THSD4: variants seen among roughly 807,000 people sequenced by gnomAD.
THSD4 encodes the protein thrombospondin type-1 domain-containing protein 4.
A neutral mutation model predicts 119.0 loss-of-function variants in THSD4; 69 were observed. That is an observed-to-expected ratio of 0.58 (90% CI 0.48 to 0.71). THSD4 has a LOEUF of 0.71. Among genes scored for constraint, THSD4 ranks in the 30% least tolerant of loss-of-function variants. The pLI, the probability that THSD4 is intolerant of heterozygous loss-of-function variation, is 0.00. For synonymous variants in THSD4, 524 were observed against 540.4 expected (o/e 0.97, Z 0.42); for missense variants, 1,393 against 1,391.1 (o/e 1.00, Z -0.02).
chr15:71,632,720 G>A (rs1021199426), intron 7 of THSD4, among the ~76,000 whole-genome samples: 2 of 152,192 alleles, frequency 1.3e-5, no homozygotes, highest in African/African-American at 4.8e-5. Context: ...AGCAACTGCT[G>A]TAAGTGATTT....
At chr15:71,743,258 C>T (rs73432411) in intron 11 of THSD4, among the ~76,000 whole-genome samples, 1 of 152,086 alleles carries the variant, frequency 6.6e-6, no homozygotes, top group Admixed American at 6.5e-5. Flanking sequence ...CCTATGGGAG[C>T]CTGTATCCTT....
intron 7 of THSD4, among the ~76,000 whole-genome samples, chr15:71,627,748 G>C (rs1163064609): frequency 6.6e-6 from 1 of 152,210 alleles, no homozygotes; most frequent in East Asian, 1.9e-4. Context: ...TTTTGGTTCA[G>C]AGTAAGGAGA....
chr15:71,341,655 A>G, intron 6 of THSD4: 2 of 1,526,746 alleles, frequency 1.3e-6, no homozygotes, highest in Non-Finnish European at 1.8e-6. Context: ...CGAAGATTGG[A>G]ACCTCTTGAT....
intron 6 of THSD4, among the ~76,000 whole-genome samples, chr15:71,279,975 G>A (rs761311477): frequency 6.6e-6 from 1 of 152,166 alleles, no homozygotes; most frequent in Non-Finnish European, 1.5e-5. Context: ...ACTTCCTCTT[G>A]TTGTGAGGTT....
intron 1 of THSD4, among the ~76,000 whole-genome samples, chr15:71,138,545 C>T (rs527708986): frequency 1.3e-5 from 2 of 152,276 alleles, no homozygotes; most frequent in Admixed American, 1.3e-4. Context: ...GTTCTGGGGA[C>T]TTGACTGCCC....
intron 6 of THSD4, among the ~76,000 whole-genome samples, chr15:71,360,204 T>G (rs1026397154): frequency 6.6e-6 from 1 of 152,156 alleles, no homozygotes; most frequent in Non-Finnish European, 1.5e-5. Context: ...TTGTGTTGGC[T>G]TCCTCACAAC....
At chr15:71,439,916 G>A (rs2047067524) in intron 7 of THSD4, among the ~76,000 whole-genome samples, 1 of 152,244 alleles carries the variant, frequency 6.6e-6, no homozygotes. Flanking sequence ...CCTAATGTAG[G>A]TGACGGGTTG....
chr15:71,367,445 C>G (rs1160665643), intron 6 of THSD4, among the ~76,000 whole-genome samples: 1 of 152,196 alleles, frequency 6.6e-6, no homozygotes, highest in Non-Finnish European at 1.5e-5. Context: ...CTCCCCACCC[C>G]ACGACAGGCC....
chr15:71,421,192 G>A (rs1187637101), intron 7 of THSD4, among the ~76,000 whole-genome samples: 1 of 53,208 alleles, frequency 1.9e-5, no homozygotes, highest in African/African-American at 5.2e-5. Context: ...AAAAAAAGGA[G>A]TAGTTTACAC....
intron 7 of THSD4, among the ~76,000 whole-genome samples, chr15:71,645,556 A>G (rs895170148): frequency 6.6e-6 from 1 of 152,166 alleles, no homozygotes; most frequent in Non-Finnish European, 1.5e-5. Context: ...CATCGAAATC[A>G]TACCATGGTT....
At chr15:71,319,029 C>T (rs543804502) in intron 6 of THSD4, among the ~76,000 whole-genome samples, 9 of 152,278 alleles carry the variant, frequency 5.9e-5, no homozygotes, top group African/African-American at 2.2e-4. Context: ...AATGGCAGAA[C>T]TTGATTTAGA....
intron 6 of THSD4, among the ~76,000 whole-genome samples, chr15:71,407,209 T>A (rs1383670878): frequency 6.6e-6 from 1 of 152,230 alleles, no homozygotes; most frequent in Non-Finnish European, 1.5e-5. Flanking sequence ...CTCTAACTAC[T>A]TCTTACAACT....
chr15:71,723,081 T>TTTC (rs386383447), intron 8 of THSD4, among the ~76,000 whole-genome samples: 1 of 151,608 alleles, frequency 6.6e-6, no homozygotes, highest in African/African-American at 2.4e-5. Flanking sequence ...AGTTTTTTTT[T>TTTC]TCTCTATTTA....
At chr15:71,771,271 G>T in intron 17 of THSD4, 63 bp downstream of exon 17, 3 of 1,590,258 alleles carry the variant, frequency 1.9e-6, no homozygotes, top group Non-Finnish European at 2.6e-6. Flanking sequence ...AGATTCTCCG[G>T]TGTGACAATA....
chr15:71,748,897 G>A (rs897254862), intron 14 of THSD4, among the ~76,000 whole-genome samples: 6 of 152,094 alleles, frequency 3.9e-5, no homozygotes, highest in Non-Finnish European at 8.8e-5. Flanking sequence ...GTAAGTGCCT[G>A]GTGTCTCATA....
At chr15:71,173,057 T>G (rs2043397884) in intron 3 of THSD4, among the ~76,000 whole-genome samples, 1 of 151,888 alleles carries the variant, frequency 6.6e-6, no homozygotes. Context: ...ATAAAAGGCT[T>G]CCAAATTGGA....
chr15:71,356,774 G>C (rs2045818287), intron 6 of THSD4, among the ~76,000 whole-genome samples: 1 of 152,068 alleles, frequency 6.6e-6, no homozygotes, highest in South Asian at 2.1e-4. Flanking sequence ...GTCAGATGGG[G>C]GTCTTTCATA....
chr15:71,405,294 G>A (rs2046590457), intron 6 of THSD4, among the ~76,000 whole-genome samples: 2 of 152,158 alleles, frequency 1.3e-5, no homozygotes, highest in Admixed American at 1.3e-4. Flanking sequence ...ATTAATGTAG[G>A]TTTTCATTTC....
chr15:71,723,012 T>C (rs934437271), intron 8 of THSD4, among the ~76,000 whole-genome samples: 9 of 152,094 alleles, frequency 5.9e-5, no homozygotes, highest in African/African-American at 2.2e-4. Flanking sequence ...TATTCCATTG[T>C]GTGGATGGCC....
Sources: gnomAD v4.1 joint callset for allele counts (sites outside exome capture counted in the v4.1 genomes callset) on GRCh38, gnomAD v4.1.1 for gene constraint, MANE v1.5 for transcripts, NCBI Gene and HGNC (gene_info 2026-07-23, HGNC 2026-07-21) for gene names.